The following SPNS2 variants were observed in gnomAD, a reference collection of about 807,000 sequenced individuals.
The protein encoded by SPNS2 is SPNS lysolipid transporter 2, sphingosine-1-phosphate.
Under a neutral mutation model 57.6 loss-of-function variants are expected in SPNS2, and 37 were observed. The ratio of observed to expected loss-of-function variants is 0.64; its 90% CI spans 0.49 to 0.85. The LOEUF (loss-of-function observed/expected upper bound fraction) is 0.85, where lower values mean the gene tolerates loss of function less well. SPNS2 is among the 40% of genes least tolerant of loss of function. The pLI is 0.00. For missense variants in SPNS2, 831 were observed against 779.1 expected, an observed-to-expected ratio of 1.07 and a Z score of -0.79; for synonymous variants, 440 against 346.9, an observed-to-expected ratio of 1.27 and a Z score of -2.98.
At chr17:4,502,698 G>C (rs1904555673) in intron 1 of SPNS2, among the ~76,000 whole-genome samples, 1 of 152,214 alleles carries the variant, frequency 6.6e-6, no homozygotes, top group Non-Finnish European at 1.5e-5. Flanking sequence ...TCGAGCACCT[G>C]GGACGGGGCC....
Position 4,512,304 on chromosome 17 carries a change from G to T in SPNS2, c.371-943G>T, listed in dbSNP as rs1027461027. Among the ~76,000 whole-genome samples the T allele has an allele frequency of 1.4e-4, 22 of 152,278 alleles. No homozygotes were observed. Among genetic ancestry groups the T allele is most frequent in the Middle Eastern group, 3.4e-3 (1 of 294 alleles). On this transcript the variant is annotated intron_variant, in intron 1 of 12. Coordinates refer to ENST00000329078, the MANE Select transcript of SPNS2 (RefSeq NM_001124758.3). The surrounding 1 kb of genome is among the most constrained non-coding windows in gnomAD (Gnocchi z 5.2). ...AGATAATGCAGGCAGGGACCCTGAG[G>T]CCCACGGGGATGGGGGTTGTGCTTA... is the stretch of plus-strand genomic sequence containing the variant.
At position 4,533,528 on chromosome 17, in the gene SPNS2, C is replaced by T. The variant is rs147450871; in HGVS notation, c.1278+96C>T. The T allele has an allele frequency of 4.4e-4, 595 of 1,339,728 alleles. 3 individuals carry two copies. In the African/African-American group the frequency reaches 6.3e-3, roughly 14 times the overall value. The allele number at this position is 1,339,728 out of a possible 1,614,324, so 83.0% of individuals were successfully genotyped here. A position where few individuals can be genotyped will look rare whatever the true frequency, so the allele number is the denominator to read the frequency against. On this transcript the variant is annotated intron_variant, in intron 8 of 12. Transcript: ENST00000329078. ...TTCGGTCTGACTTACTGGATGTTCC[C>T]TTCCCTCGGGGAGGCTCCTATTCTC...
intron 6 of SPNS2, 25 bp downstream of exon 6, chr17:4,532,709 G>A: frequency 9.9e-6 from 16 of 1,609,792 alleles, no homozygotes; most frequent in Non-Finnish European, 1.4e-5. Context: ...AAGGGGTCTG[G>A]TGGGAAGAGA....
chr17:4,532,445 T>G, intron 5 of SPNS2, 97 bp from the exon 6 acceptor site: 1 of 1,557,770 alleles, frequency 6.4e-7, no homozygotes, highest in Non-Finnish European at 8.8e-7. Context: ...GAGAAGCCTA[T>G]GGCCCAGAGA....
At chr17:4,514,018 C>T (rs922892386) in intron 2 of SPNS2, among the ~76,000 whole-genome samples, 3 of 152,236 alleles carry the variant, frequency 2.0e-5, no homozygotes, top group African/African-American at 7.2e-5. Flanking sequence ...CTCCAGGGAG[C>T]GTGCCTCCCT....
At chr17:4,503,661 A>G (rs1597357693) in intron 1 of SPNS2, among the ~76,000 whole-genome samples, 1 of 152,146 alleles carries the variant, frequency 6.6e-6, no homozygotes, top group African/African-American at 2.4e-5. Context: ...TCCTTCCCCA[A>G]CTTCTGTGGG....
chr17:4,528,650 T>C (rs1386126595), intron 3 of SPNS2, among the ~76,000 whole-genome samples: 1 of 151,990 alleles, frequency 6.6e-6, no homozygotes, highest in African/African-American at 2.4e-5. Flanking sequence ...CTAATTTTTG[T>C]ATTTTTAGTA....
In SPNS2 at chr17:4,533,042, T is replaced by C. The variant is rs759665130; in HGVS notation, c.1001T>C (p.Met334Thr). The change falls in exon 7 of 13, where the codon ATG becomes ACG. Residue 334 changes from methionine to threonine, a missense_variant. Transcript: ENST00000329078. ...TCCTTCGCCACGGGGGCCCTGGGCA[T>C]GTGGATCCCGCTCTACCTGCACCGC... The part of the protein sequence containing the change: ...AVSFATGALG[M>T]WIPLYLHRAQ... 2.5e-6 allele frequency: 4 copies of C among 1,613,286 alleles called. No individual in the cohort carries two copies. Among genetic ancestry groups the C allele is most frequent in the African/African-American group, 1.3e-5 (1 of 74,914 alleles).
At chr17:4,519,565 C>T (rs1905086599) in intron 2 of SPNS2, among the ~76,000 whole-genome samples, 1 of 61,098 alleles carries the variant, frequency 1.6e-5, no homozygotes, top group Non-Finnish European at 3.5e-5. Context: ...GGCCCTGGCT[C>T]CCTGCCCTGC....
rs1567595750 is a variant in SPNS2, at chr17:4,533,116, G to A, written c.1075G>A (p.Gly359Arg). Reference protein sequence around the residue: ...TAETCNSPPCGAKDSLIFGAI... With the variant: ...TAETCNSPPCRAKDSLIFGAI... ...AGAGACGTGCAACAGCCCGCCCTGT[G>A]GGGCCAAGGACAGGTGGGGCCCCGC... Residue 359 changes from glycine (G) to arginine (R), a missense_variant, in exon 7 of 13, where the codon GGG becomes AGG. This residue lies in a region of SPNS2 where 526 missense variants were observed against 400.9 expected (regional missense o/e 1.31). Coordinates refer to ENST00000329078, the MANE Select transcript of SPNS2 (RefSeq NM_001124758.3). The A allele has an allele frequency of 5.0e-6, 8 of 1,611,006 alleles. No homozygotes were observed. The highest frequency in any genetic ancestry group is 1.1e-5 in the South Asian group (1 of 90,798).
chr17:4,504,334 C>A (rs757282679), intron 1 of SPNS2, among the ~76,000 whole-genome samples: 28 of 152,264 alleles, frequency 1.8e-4, no homozygotes, highest in Non-Finnish European at 3.8e-4. Context: ...TAACTGCCTG[C>A]TGCCCACTTC....
intron 2 of SPNS2, 120 bp downstream of exon 2, chr17:4,513,432 T>C (rs1226493797): frequency 3.7e-6 from 4 of 1,069,884 alleles, no homozygotes; most frequent in East Asian, 2.5e-5. Context: ...GGAAAGAGAG[T>C]GGGCTTTGCA....
At chr17:4,535,439 GC>G (rs1373732322) in intron 9 of SPNS2, among the ~76,000 whole-genome samples, 1 of 152,192 alleles carries the variant, frequency 6.6e-6, no homozygotes, top group Non-Finnish European at 1.5e-5. Context: ...AATGGCTGTG[GC>G]GGGGGTTCAG....
intron 10 of SPNS2, 34 bp from the exon 11 acceptor site, chr17:4,536,229 C>CAG: frequency 1.2e-6 from 2 of 1,609,330 alleles, no homozygotes; most frequent in Non-Finnish European, 1.7e-6. Context: ...TGCAGGAGGG[C>CAG]TCTGCCCTGA....
At chr17:4,523,830 G>C (rs1905200474) in intron 2 of SPNS2, among the ~76,000 whole-genome samples, 1 of 152,178 alleles carries the variant, frequency 6.6e-6, no homozygotes, top group Non-Finnish European at 1.5e-5. Context: ...TGTAGCACTT[G>C]CCACCATCTG....
intron 3 of SPNS2, among the ~76,000 whole-genome samples, chr17:4,527,839 T>C (rs1311903577): frequency 6.6e-6 from 1 of 151,726 alleles, no homozygotes; most frequent in African/African-American, 2.4e-5. Flanking sequence ...AACGGCAGGA[T>C]ATTGTAAAAC....
intron 3 of SPNS2, among the ~76,000 whole-genome samples, chr17:4,526,858 C>T (rs1471291861): frequency 6.6e-6 from 1 of 152,186 alleles, no homozygotes; most frequent in Non-Finnish European, 1.5e-5. Flanking sequence ...GGCAGCTTCG[C>T]AGAGGAGGGT....
At chr17:4,536,215 G>A (rs955960149) in intron 10 of SPNS2, 41 bp downstream of exon 10, 1 of 1,608,770 alleles carries the variant, frequency 6.2e-7, no homozygotes, top group Non-Finnish European at 8.5e-7. Context: ...GCAGGCTGGG[G>A]GACTGCAGGA....
At position 4,511,352 on chromosome 17, in the gene SPNS2, G is replaced by C. The variant is rs1033621971; in HGVS notation, c.371-1895G>C. Among the ~76,000 whole-genome samples, 1 of 152,238 alleles carries C rather than the reference G, an allele frequency of 6.6e-6. No individual in the cohort carries two copies. Among genetic ancestry groups the C allele is most frequent in the Non-Finnish European group, 1.5e-5 (1 of 68,038 alleles). ...GAGTTGTACCAGAATAGAAGAGGAAGTGTGCAGAGTCAGGGGGCCATGAGT... is the reference window on the plus strand; with the variant it reads ...GAGTTGTACCAGAATAGAAGAGGAACTGTGCAGAGTCAGGGGGCCATGAGT... On this transcript the variant is annotated intron_variant, in intron 1 of 12. Transcript: ENST00000329078. The surrounding 1 kb of genome is among the most constrained non-coding windows in gnomAD (Gnocchi z 4.6).
Sources: allele counts gnomAD v4.1 joint callset (sites outside exome capture counted in the v4.1 genomes callset), GRCh38; gene constraint gnomAD v4.1.1; regional missense constraint gnomAD v4.1.1; non-coding constraint Gnocchi (gnomAD v3.1); transcripts MANE v1.5; gene names NCBI Gene and HGNC (gene_info 2026-07-23, HGNC 2026-07-21).